SPMIP11: variants seen among roughly 807,000 people sequenced by gnomAD.
SPMIP11 encodes the protein sperm microtubule inner protein 11, also known as long intergenic non-protein coding RNA 935.
At chr12:48,754,681 A>G in the SPMIP11 span, among the ~76,000 whole-genome samples, 1 of 150,642 alleles carries the variant, frequency 6.6e-6, no homozygotes, top group Non-Finnish European at 1.5e-5. Context: ...CGATCTCCTG[A>G]CCTCGTGATC....
chr12:48,769,819 T>C, the SPMIP11 span, among the ~76,000 whole-genome samples: 1 of 149,928 alleles, frequency 6.7e-6, no homozygotes, highest in African/African-American at 2.5e-5. Flanking sequence ...TGGAGTGCAG[T>C]GGCACCATCT....
At chr12:48,754,662 G>A in the SPMIP11 span, among the ~76,000 whole-genome samples, 1 of 151,986 alleles carries the variant, frequency 6.6e-6, no homozygotes, top group African/African-American at 2.4e-5. Context: ...GTATTAGCCA[G>A]GATGGTCTCG....
chr12:48,742,278 C>CTTT, the SPMIP11 span, among the ~76,000 whole-genome samples: 11 of 135,914 alleles, frequency 8.1e-5, no homozygotes, highest in African/African-American at 2.3e-4. Context: ...TTTTCTTTTC[C>CTTT]TTTTTTTTTT....
the SPMIP11 span, among the ~76,000 whole-genome samples, chr12:48,753,681 C>CTTTTTTTTTTCTTTTTTTTTT: frequency 8.3e-6 from 1 of 120,892 alleles, no homozygotes; most frequent in Non-Finnish European, 1.7e-5. Flanking sequence ...CTTTTCTTTA[C>CTTTTTTTTTTCTTTTTTTTTT]TTTTTTTTTT....
chr12:48,758,568 C>G, the SPMIP11 span, among the ~76,000 whole-genome samples: 3 of 152,226 alleles, frequency 2.0e-5, no homozygotes, highest in Non-Finnish European at 4.4e-5. Context: ...CTAGTCTATT[C>G]AGCCTCTATT....
the SPMIP11 span, among the ~76,000 whole-genome samples, chr12:48,746,257 T>A: frequency 9.2e-5 from 14 of 151,630 alleles, no homozygotes; most frequent in Admixed American, 8.6e-4. Flanking sequence ...CATCTAAAAA[T>A]CCAGAGATTT....
chr12:48,745,541 T>C, the SPMIP11 span, among the ~76,000 whole-genome samples: 2 of 152,008 alleles, frequency 1.3e-5, no homozygotes, highest in Admixed American at 1.3e-4. Flanking sequence ...AGGAGGCGGA[T>C]ATTGCAGGGA....
At chr12:48,751,349 C>A in the SPMIP11 span, among the ~76,000 whole-genome samples, 2 of 152,346 alleles carry the variant, frequency 1.3e-5, no homozygotes, top group African/African-American at 4.8e-5. Context: ...TGCAGTGGCT[C>A]ATACCTGTAA....
chr12:48,745,730 A>G, the SPMIP11 span, among the ~76,000 whole-genome samples: 2 of 152,210 alleles, frequency 1.3e-5, no homozygotes, highest in African/African-American at 4.8e-5. Context: ...TTAAGCCCAG[A>G]TGCCTAAAAG....
At chr12:48,746,465 C>T in the SPMIP11 span, among the ~76,000 whole-genome samples, 1 of 147,810 alleles carries the variant, frequency 6.8e-6, no homozygotes, top group Admixed American at 6.9e-5. Context: ...CTCCCAGGTT[C>T]AAGCAATTCT....
chr12:48,729,202 C>G, the SPMIP11 span, among the ~76,000 whole-genome samples: 1 of 152,082 alleles, frequency 6.6e-6, no homozygotes, highest in African/African-American at 2.4e-5. Context: ...GAGATCAAGA[C>G]CATCCTGGCC....
chr12:48,754,591 C>G, the SPMIP11 span, among the ~76,000 whole-genome samples: 2 of 152,192 alleles, frequency 1.3e-5, no homozygotes, highest in Middle Eastern at 6.8e-3. Context: ...GCTGGGACTA[C>G]AGGTGCCCGC....
chr12:48,765,194 CT>C, the SPMIP11 span, among the ~76,000 whole-genome samples: 1 of 152,166 alleles, frequency 6.6e-6, no homozygotes, highest in Non-Finnish European at 1.5e-5. Flanking sequence ...TTGTGTTCCT[CT>C]TTGTGGGTGT....
At chr12:48,729,066 G>A in the SPMIP11 span, among the ~76,000 whole-genome samples, 1 of 152,198 alleles carries the variant, frequency 6.6e-6, no homozygotes, top group African/African-American at 2.4e-5. Context: ...AGGAAGCTAG[G>A]GGAGGCTTTA....
chr12:48,732,406 C>T, the SPMIP11 span, among the ~76,000 whole-genome samples: 5 of 152,100 alleles, frequency 3.3e-5, no homozygotes, highest in Non-Finnish European at 5.9e-5. Context: ...CTACCAACTA[C>T]ACACCCCTGG....
At chr12:48,730,371 G>A in the SPMIP11 span, among the ~76,000 whole-genome samples, 1 of 151,988 alleles carries the variant, frequency 6.6e-6, no homozygotes, top group Non-Finnish European at 1.5e-5. Flanking sequence ...AGGGAAGATT[G>A]AACATCAAAT....
chr12:48,751,350 A>C, the SPMIP11 span, among the ~76,000 whole-genome samples: 1 of 152,246 alleles, frequency 6.6e-6, no homozygotes, highest in Non-Finnish European at 1.5e-5. Context: ...GCAGTGGCTC[A>C]TACCTGTAAT....
At chr12:48,731,408 G>A in the SPMIP11 span, among the ~76,000 whole-genome samples, 27 of 151,864 alleles carry the variant, frequency 1.8e-4, no homozygotes, top group Middle Eastern at 6.8e-3. Flanking sequence ...GGAGAATGGC[G>A]TGAACCCGGG....
the SPMIP11 span, among the ~76,000 whole-genome samples, chr12:48,762,356 CTTTTT>C: frequency 3.3e-5 from 2 of 61,222 alleles, no homozygotes; most frequent in African/African-American, 2.0e-4. Context: ...CCCCGCCCAG[CTTTTT>C]TTTTTTTTTT....
Sources: gnomAD v4.1 joint callset for allele counts (sites outside exome capture counted in the v4.1 genomes callset) on GRCh38, gnomAD v4.1.1 for gene constraint, MANE v1.5 for transcripts, NCBI Gene and HGNC (gene_info 2026-07-23, HGNC 2026-07-21) for gene names.